PDE10A: variants seen among roughly 807,000 people sequenced by gnomAD.
The protein encoded by PDE10A is cAMP and cAMP-inhibited cGMP 3',5'-cyclic phosphodiesterase 10A.
A neutral mutation model predicts 97.7 loss-of-function variants in PDE10A; 39 were observed. The observed-to-expected ratio is 0.40, with a 90% CI of 0.31 to 0.52. The LOEUF is 0.52. Ranked by LOEUF, PDE10A falls within the 20% of genes least tolerant of loss-of-function variation. The pLI is 0.56. For synonymous variants in PDE10A, 371 were observed against 376.8 expected (o/e 0.98, Z 0.18); for missense variants, 731 against 1,047.8 (o/e 0.70, Z 4.17).
At chr6:165,832,474 A>C (rs1406277696) in intron 1 of PDE10A, among the ~76,000 whole-genome samples, 2 of 152,204 alleles carry the variant, frequency 1.3e-5, no homozygotes, top group Non-Finnish European at 2.9e-5. Flanking sequence ...TTGGAAGCAC[A>C]TTGAGTGGGG....
chr6:165,557,208 T>C (rs928285133), intron 1 of PDE10A, among the ~76,000 whole-genome samples: 1 of 151,978 alleles, frequency 6.6e-6, no homozygotes, highest in East Asian at 1.9e-4. Flanking sequence ...TTGAGAGAGA[T>C]TAAAATACGT....
chr6:165,691,114 C>T (rs1202865161), intron 1 of PDE10A, among the ~76,000 whole-genome samples: 7 of 94,636 alleles, frequency 7.4e-5, no homozygotes, highest in African/African-American at 1.3e-4. Flanking sequence ...TCTCCCCCCC[C>T]CCATCAGTGC....
At chr6:165,927,720 G>A (rs972655545) in intron 1 of PDE10A, among the ~76,000 whole-genome samples, 1 of 141,706 alleles carries the variant, frequency 7.1e-6, no homozygotes, top group Non-Finnish European at 1.5e-5. Flanking sequence ...TTGAGACAGA[G>A]GAGTCTCTCT....
rs1233851722 is a variant in PDE10A at position 165,390,177 on chromosome 6, A to AACAG, written c.2455-1725_2455-1724insCTGT. Reference sequence around the variant, plus strand: ...ACAACAAAACAAAAACAAACAAACAAAAAACCCCAAGGGAGGAACAGCTGG... The same window carrying AACAG: ...ACAACAAAACAAAAACAAACAAACAAACAGAAAACCCCAAGGGAGGAACAGCTGG... On this transcript the variant is annotated intron_variant, in intron 16 of 21. Transcript: ENST00000539869. 3.3e-5 allele frequency among the ~76,000 whole-genome samples: 5 copies of AACAG among 152,162 alleles called. No homozygotes were observed. In the South Asian group the frequency reaches 6.2e-4, roughly 19 times the overall value.
chr6:165,367,336 A>G (rs952867245), intron 18 of PDE10A, among the ~76,000 whole-genome samples: 2 of 152,048 alleles, frequency 1.3e-5, no homozygotes, highest in African/African-American at 4.8e-5. Flanking sequence ...ATTAGGAAAA[A>G]AAACAGTGAG....
At chr6:165,825,432 C>T (rs937707100) in intron 1 of PDE10A, among the ~76,000 whole-genome samples, 5 of 152,132 alleles carry the variant, frequency 3.3e-5, no homozygotes, top group Admixed American at 6.5e-5. Context: ...TGTGTGGTCC[C>T]CAAACTCCAA....
rs760702406 is a variant in PDE10A at position 165,367,216 on chromosome 6, C to CAT, written c.2783+11976_2783+11977dup. Among the ~76,000 whole-genome samples, 608 of 139,088 alleles carry CAT rather than the reference C, an allele frequency of 4.4e-3. 2 individuals are homozygous for CAT. Among genetic ancestry groups the CAT allele is most frequent in the South Asian group, 7.4e-3 (33 of 4,452 alleles). The allele number at this position is 139,088 out of a possible 152,430, so 91.2% of individuals were successfully genotyped here. ...GAAATCCCAGAACTTGAAAATATTA[C>CAT]ATATATATATATACACACACACATA... On this transcript the variant is annotated intron_variant, in intron 18 of 21. Transcript: ENST00000539869.
At position 165,907,603 on chromosome 6, in the gene PDE10A, A is replaced by G. The variant is rs537133766; in HGVS notation, c.-615+79926T>C. Among the ~76,000 whole-genome samples the G allele has an allele frequency of 7.9e-5, 12 of 152,220 alleles. No individual in the cohort carries two copies. The South Asian group carries it at 2.5e-3, about 32-fold the overall frequency. Reference sequence around the variant, plus strand: ...CCCCTCATCATCCTGCTCCTCAGCCAGGTGTCAGGGGTTCGTGTGCTGCCC... The same window carrying G: ...CCCCTCATCATCCTGCTCCTCAGCCGGGTGTCAGGGGTTCGTGTGCTGCCC... On this transcript the variant is annotated intron_variant, in intron 1 of 19. Coordinates refer to the PDE10A transcript ENST00000366882.
At chr6:165,358,199 T>G (rs1783154996) in intron 18 of PDE10A, among the ~76,000 whole-genome samples, 1 of 152,148 alleles carries the variant, frequency 6.6e-6, no homozygotes, top group Non-Finnish European at 1.5e-5. Context: ...CTTTTGAAAT[T>G]TATTGACAAA....
intron 1 of PDE10A, among the ~76,000 whole-genome samples, chr6:165,764,567 G>T (rs1777762916): frequency 6.6e-6 from 1 of 151,436 alleles, no homozygotes; most frequent in Admixed American, 6.6e-5. Context: ...TCTTTCTGGT[G>T]GGTTTGTGGT....
intron 1 of PDE10A, among the ~76,000 whole-genome samples, chr6:165,647,801 C>G (rs973557796): frequency 6.6e-6 from 1 of 152,126 alleles, no homozygotes; most frequent in Non-Finnish European, 1.5e-5. Context: ...GTCTCAGAAC[C>G]CAAGGAAACA....
intron 1 of PDE10A, among the ~76,000 whole-genome samples, chr6:165,693,404 G>A (rs1791356145): frequency 6.6e-6 from 1 of 151,780 alleles, no homozygotes. Flanking sequence ...GGTGGTGGAT[G>A]CCTGTAGTCT....
At chr6:165,446,993 A>G (rs1790894912) in intron 5 of PDE10A, among the ~76,000 whole-genome samples, 1 of 152,236 alleles carries the variant, frequency 6.6e-6, no homozygotes, top group Non-Finnish European at 1.5e-5. Context: ...AAATTGATAC[A>G]TAAAATTACA....
At chr6:165,980,348 T>C (rs756791199) in intron 1 of PDE10A, among the ~76,000 whole-genome samples, 17 of 152,238 alleles carry the variant, frequency 1.1e-4, no homozygotes, top group Non-Finnish European at 2.1e-4. Flanking sequence ...TACCAACATA[T>C]ACATGTATAC....
intron 17 of PDE10A, among the ~76,000 whole-genome samples, chr6:165,386,612 T>A (rs1785316705): frequency 6.6e-6 from 1 of 152,152 alleles, no homozygotes. Context: ...CATAAAGTTT[T>A]AGAATGTTCA....
chr6:165,607,050 T>C lies in PDE10A; in HGVS notation c.865+54897A>G, dbSNP rs1005465942. ...TATTGTCATGTTTTATCTATTTTCT[T>C]GCTTCCCAACTTAGAAGTGGTTTCG... is the stretch of plus-strand genomic sequence containing the variant. On this transcript the variant is annotated intron_variant, in intron 1 of 21. Transcript: ENST00000539869. Among the ~76,000 whole-genome samples, 3 of 152,216 alleles carry C rather than the reference T, an allele frequency of 2.0e-5. No homozygotes were observed. The South Asian group carries it at 6.2e-4, about 32-fold the overall frequency.
intron 2 of PDE10A, among the ~76,000 whole-genome samples, chr6:165,538,998 A>C (rs1363364892): frequency 6.6e-6 from 1 of 152,182 alleles, no homozygotes; most frequent in Non-Finnish European, 1.5e-5. Flanking sequence ...TTTTTTCAAA[A>C]TGAATGTATA....
intron 1 of PDE10A, among the ~76,000 whole-genome samples, chr6:165,788,518 C>CAAAAAAAAAAAAAAAA (rs56927613): frequency 3.1e-4 from 23 of 74,672 alleles, no homozygotes; most frequent in Admixed American, 9.5e-4. Context: ...AACTCTGTCT[C>CAAAAAAAAAAAAAAAA]AAAAAAAAAA....
chr6:165,756,754 T>A (rs1258027403), intron 1 of PDE10A, among the ~76,000 whole-genome samples: 1 of 152,044 alleles, frequency 6.6e-6, no homozygotes, highest in Non-Finnish European at 1.5e-5. Flanking sequence ...CTGTCCTCCA[T>A]CAGCAATGTA....
Sources: allele counts gnomAD v4.1 joint callset (sites outside exome capture counted in the v4.1 genomes callset), GRCh38; gene constraint gnomAD v4.1.1; transcripts MANE v1.5; gene names NCBI Gene and HGNC (gene_info 2026-07-23, HGNC 2026-07-21).